FMNL1: variants seen among roughly 807,000 people sequenced by gnomAD.
FMNL1 encodes the protein formin like 1.
Under a neutral mutation model 121.3 loss-of-function variants are expected in FMNL1, and 43 were observed. The ratio of observed to expected loss-of-function variants is 0.35; its 90% confidence interval spans 0.28 to 0.46. The LOEUF is 0.46. FMNL1 is among the 20% of genes least tolerant of loss of function. The pLI is 1.00. For synonymous variants in FMNL1, 613 were observed against 613.5 expected, an observed-to-expected ratio of 1.00 and a Z score of 0.01; for missense variants, 1,191 against 1,482.4, an observed-to-expected ratio of 0.80 and a Z score of 3.23.
chr17:45,225,412 T>C (rs2043309215), intron 1 of FMNL1, among the ~76,000 whole-genome samples: 1 of 152,188 alleles, frequency 6.6e-6, no homozygotes, highest in Non-Finnish European at 1.5e-5. Flanking sequence ...ATGGGGTCGC[T>C]CAGGCCTTAT....
chr17:45,245,274 C>A lies in FMNL1; in HGVS notation c.2750C>A (p.Ala917Glu). ...AGSVSLDSVL[A>E]DVRSLQRGLE... ...CCAGTGTCCCTGGACAGTGTCCTGG[C>A]GGACGTGCGCTCCCTGCAGCGAGGC... is the stretch of plus-strand genomic sequence containing the variant. Residue 917 changes from alanine (A) to glutamate (E), a missense_variant, in exon 22 of 27, where the codon GCG (alanine) becomes GAG (glutamate). Physicochemically the swap from Ala to Glu is moderately radical, Grantham distance 107 (BLOSUM62 -1). Around this residue, in one of 4 missense-constraint regions of FMNL1, gnomAD observed 367 missense variants for 528.6 expected, o/e 0.69. Coordinates refer to ENST00000331495, the MANE Select transcript of FMNL1 (RefSeq NM_005892.4). 3 of 1,614,160 alleles carry A rather than the reference C, an allele frequency of 1.9e-6. No individual in the cohort carries two copies. Among genetic ancestry groups the A allele is most frequent in the South Asian group, 2.2e-5 (2 of 91,088 alleles).
Position 45,239,061 on chromosome 17 carries a change from T to C in FMNL1, c.1076T>C (p.Leu359Ser). Residue 359 changes from leucine (L) to serine (S), a missense_variant, in exon 11 of 27, where the codon TTG becomes TCG. Physicochemically the swap from Leu to Ser is moderately radical, Grantham distance 145. This residue lies in a region of FMNL1 where 519 missense variants were observed against 492.8 expected (regional missense o/e 1.05). Coordinates refer to ENST00000331495, the MANE Select transcript of FMNL1 (RefSeq NM_005892.4). ...ACCCACTTGGGCCTGGACCTGTACT[T>C]GGAGGTAAGCCCTGTACTGCCCCCC... Reference protein sequence around the residue: ...EFTHLGLDLYLERLRLTESDK... With the variant: ...EFTHLGLDLYSERLRLTESDK... The C allele has an allele frequency of 6.2e-7, 1 of 1,613,358 alleles. No individual in the cohort carries two copies. Among genetic ancestry groups the C allele is most frequent in the Non-Finnish European group, 8.5e-7 (1 of 1,179,282 alleles).
chr17:45,242,100 A>T lies in FMNL1; in HGVS notation c.1839A>T (p.Gly613=), dbSNP rs530661621. The T allele has an allele frequency of 6.7e-7, 1 of 1,494,916 alleles. No individual in the cohort carries two copies. The highest frequency in any genetic ancestry group is 1.2e-5 in the South Asian group (1 of 82,998). 92.6% of individuals were successfully genotyped at this position (1,494,916 alleles called of 1,614,324 possible). Residue 613 remains glycine (G), a synonymous_variant, in exon 15 of 27, where the codon GGA becomes GGT. Transcript: ENST00000331495. ...CGCCGCCGCCGCCGCCGCCTCCCGGAGGTCCTCCTGATGCCCTAGGAAGAC... is the reference window on the plus strand; with the variant it reads ...CGCCGCCGCCGCCGCCGCCTCCCGGTGGTCCTCCTGATGCCCTAGGAAGAC... ...PPPPPPPPPP[G]GPPDALGRRD... is the part of the protein sequence containing the mutation.
intron 19 of FMNL1, 63 bp from the exon 20 acceptor site, chr17:45,244,756 A>G (rs1416447719): frequency 1.1e-5 from 17 of 1,528,334 alleles, no homozygotes; most frequent in East Asian, 4.5e-5. Flanking sequence ...CTCCTTGTGC[A>G]ATATGCTTAA....
intron 16 of FMNL1, among the ~76,000 whole-genome samples, 158 bp from the exon 17 acceptor site, chr17:45,242,960 C>T (rs2043742869): frequency 6.6e-6 from 1 of 152,208 alleles, no homozygotes; most frequent in Admixed American, 6.5e-5. Context: ...CCTGTGCTTC[C>T]CCTGTGCCTC....
chr17:45,243,989 G>T lies in FMNL1; in HGVS notation c.2412G>T (p.Leu804=). The stretch of plus-strand genomic sequence containing the variant: ...AGCGCATGACCACACTCACCTTCCT[G>T]GGCAACTTCCCGGACACAGCCCAGC... ...LPERMTTLTF[L]GNFPDTAQLL... Residue 804 remains leucine, a synonymous_variant, in exon 18 of 27, where the codon CTG becomes CTT. Transcript: ENST00000331495. 1 of 1,611,872 alleles carries T rather than the reference G, an allele frequency of 6.2e-7. No homozygotes were observed. The highest frequency in any genetic ancestry group is 8.5e-7 in the Non-Finnish European group (1 of 1,179,624).
chr17:45,222,571 C>T (rs988852956), intron 1 of FMNL1, among the ~76,000 whole-genome samples: 1 of 152,166 alleles, frequency 6.6e-6, no homozygotes, highest in East Asian at 1.9e-4. Flanking sequence ...CCGGGTCGCC[C>T]CCTTCCCCAC....
At chr17:45,238,521 CGT>C in intron 9 of FMNL1, 41 bp from the exon 10 acceptor site, 1 of 1,605,754 alleles carries the variant, frequency 6.2e-7, no homozygotes, top group East Asian at 2.2e-5. Context: ...TAGCTTAGGA[CGT>C]GTGTCACTGG....
At chr17:45,234,717 G>C (rs2043516961) in intron 6 of FMNL1, 1 of 175,784 alleles carries the variant, frequency 5.7e-6, no homozygotes, top group Non-Finnish European at 1.2e-5. Flanking sequence ...AGCCATCGGG[G>C]TGGGCACCTA....
chr17:45,240,851 AC>A, intron 12 of FMNL1: 1 of 740,356 alleles, frequency 1.4e-6, no homozygotes, highest in Non-Finnish European at 2.1e-6. Context: ...CCCCTCCTCT[AC>A]CCAGGCTCAG....
rs1264415918 is a variant in FMNL1 at position 45,230,686 on chromosome 17, A to G, written c.212A>G (p.Gln71Arg). 1 of 1,613,726 alleles carries G rather than the reference A, an allele frequency of 6.2e-7. No individual in the cohort carries two copies. Among genetic ancestry groups the G allele is most frequent in the East Asian group, 2.2e-5 (1 of 44,860 alleles). Residue 71 changes from glutamine to arginine, a missense_variant and splice_region_variant, in exon 2 of 27, where the codon CAG becomes CGG. Gln to Arg is a conservative substitution (Grantham distance 43). Around this residue, in one of 4 missense-constraint regions of FMNL1, gnomAD observed 253 missense variants for 417.5 expected, o/e 0.61. Coordinates refer to ENST00000331495, the MANE Select transcript of FMNL1 (RefSeq NM_005892.4). ...NEKKWELICDQERFQVKNPPA... is the reference protein window; with the variant it reads ...NEKKWELICDRERFQVKNPPA... The stretch of plus-strand genomic sequence containing the variant: ...AAGAAGTGGGAGCTCATCTGTGATC[A>G]GGTAGGTGCCAGCACTGCCCAGCCA...
At chr17:45,243,355 G>A (rs778165306) in intron 17 of FMNL1, 35 bp downstream of exon 17, 61 of 1,605,580 alleles carry the variant, frequency 3.8e-5, no homozygotes, top group Non-Finnish European at 4.9e-5. Context: ...TGGGCAGTCC[G>A]GCCCCTTTGC....
intron 11 of FMNL1, 45 bp from the exon 12 acceptor site, chr17:45,240,429 CCA>C (rs767616758): frequency 5.9e-5 from 90 of 1,531,684 alleles, no homozygotes; most frequent in Admixed American, 2.9e-4. Flanking sequence ...AGACTCCCCC[CCA>C]CACACACACC....
intron 7 of FMNL1, 55 bp downstream of exon 7, chr17:45,236,299 G>C: frequency 1.4e-6 from 2 of 1,464,888 alleles, no homozygotes; most frequent in Non-Finnish European, 1.9e-6. Context: ...TCCTCACTGG[G>C]GGCTACACAA....
At chr17:45,236,271 A>G (rs778551863) in intron 7 of FMNL1, 27 bp downstream of exon 7, 4 of 1,594,282 alleles carry the variant, frequency 2.5e-6, no homozygotes, top group Non-Finnish European at 3.4e-6. Flanking sequence ...GGGACTGGCG[A>G]CTAGGGAGCC....
In FMNL1 at chr17:45,233,408, G is replaced by T. The variant is rs966579814; in HGVS notation, c.401+111G>T. On this transcript the variant is annotated intron_variant, in intron 4 of 26. Transcript: ENST00000331495. This position sits in a 1 kb window ranked among gnomAD's most constrained non-coding sequence, Gnocchi z 4.1. ...CTGCCCCCTGCACAAGGCTGTGCTT[G>T]TGGACCACCTCCTGGAGGTGTCCAG... is the stretch of plus-strand genomic sequence containing the variant. 2 of 1,197,910 alleles carry T rather than the reference G, an allele frequency of 1.7e-6. No homozygotes were observed. Among genetic ancestry groups the T allele is most frequent in the Non-Finnish European group, 2.3e-6 (2 of 859,214 alleles). 74.2% of individuals were successfully genotyped at this position (1,197,910 alleles called of 1,614,324 possible).
In FMNL1 at chr17:45,247,259, G is replaced by A. The variant is rs900256454; in HGVS notation, c.*401G>A. 2.2e-6 allele frequency: 1 copy of A among 456,758 alleles called. No homozygotes were observed. The highest frequency in any genetic ancestry group is 2.0e-5 in the African/African-American group (1 of 50,974). The allele number at this position is 456,758 out of a possible 1,614,324, so 28.3% of individuals were successfully genotyped here. On this transcript the variant is annotated 3_prime_UTR_variant, in exon 27 of 27. Coordinates refer to ENST00000331495, the MANE Select transcript of FMNL1 (RefSeq NM_005892.4). Reference sequence around the variant, plus strand: ...GTGCACCTCGCCCCCGCAAGCCCCAGCCCCGAGGACCGTCCATGGACCTTA... The same window carrying A: ...GTGCACCTCGCCCCCGCAAGCCCCAACCCCGAGGACCGTCCATGGACCTTA...
At position 45,242,585 on chromosome 17, in the gene FMNL1, G is replaced by A. The variant is rs914793399; in HGVS notation, c.2010+120G>A. The stretch of plus-strand genomic sequence containing the variant: ...GCCATTTCACAGATGAGGAGGGGGA[G>A]GCCCAGGGATGGGCATTAAGCCAGA... On this transcript the variant is annotated intron_variant, in intron 16 of 26. Coordinates refer to ENST00000331495, the MANE Select transcript of FMNL1 (RefSeq NM_005892.4). 6.9e-6 allele frequency: 10 copies of A among 1,443,752 alleles called. No homozygotes were observed. The African/African-American group carries it at 1.3e-4, about 18-fold the overall frequency. 89.4% of individuals were successfully genotyped at this position (1,443,752 alleles called of 1,614,324 possible). A position where few individuals can be genotyped will look rare whatever the true frequency, so the allele number is the denominator to read the frequency against.
rs376764265 is a variant in FMNL1, at chr17:45,238,932, C to T, written c.970-23C>T. ...CAACCCCACCTAGAGGATCATAGAT[C>T]TCCCCATGTCCCTGGCTCCCAGGTG... On this transcript the variant is annotated intron_variant, in intron 10 of 26. Transcript: ENST00000331495. 2.5e-6 allele frequency: 4 copies of T among 1,597,292 alleles called. No homozygotes were observed. The African/African-American group carries it at 4.0e-5, about 16-fold the overall frequency.
Sources: allele counts gnomAD v4.1 joint callset (sites outside exome capture counted in the v4.1 genomes callset), GRCh38; gene constraint gnomAD v4.1.1; regional missense constraint gnomAD v4.1.1; non-coding constraint Gnocchi (gnomAD v3.1); transcripts MANE v1.5; gene names NCBI Gene and HGNC (gene_info 2026-07-23, HGNC 2026-07-21).